ZFAT: variants seen among roughly 807,000 people sequenced by gnomAD.
ZFAT encodes the protein zinc finger protein ZFAT.
Under a neutral mutation model 117.7 loss-of-function variants are expected in ZFAT, and 64 were observed. The observed-to-expected ratio is 0.54, with a 90% confidence interval of 0.44 to 0.67. ZFAT has a LOEUF of 0.67. ZFAT is among the 30% of genes least tolerant of loss of function. The probability of loss-of-function intolerance (pLI) is 0.00; values close to 1 mark genes in which losing one functional copy is unlikely to be tolerated. For missense variants in ZFAT, 1,433 were observed against 1,584.5 expected, an observed-to-expected ratio of 0.90 and a Z score of 1.62; for synonymous variants, 679 against 615.0, an observed-to-expected ratio of 1.10 and a Z score of -1.54.
chr8:134,832,306 G>C, the ZFAT span, among the ~76,000 whole-genome samples: 12 of 152,000 alleles, frequency 7.9e-5, no homozygotes, highest in South Asian at 2.5e-3. Flanking sequence ...GTCTGAGGGA[G>C]AGCGGCTGTG....
chr8:134,566,506 G>T (rs554988728), intron 10 of ZFAT, among the ~76,000 whole-genome samples: 2 of 151,608 alleles, frequency 1.3e-5, no homozygotes, highest in African/African-American at 4.8e-5. Flanking sequence ...CCTCTGATTA[G>T]CATAAATAAA....
At chr8:134,698,081 G>C (rs1833917581) in intron 1 of ZFAT, among the ~76,000 whole-genome samples, 1 of 151,672 alleles carries the variant, frequency 6.6e-6, no homozygotes, top group African/African-American at 2.4e-5. Context: ...CCAGCACTTT[G>C]GGAGGCCGAG....
chr8:134,532,651 A>G (rs1310991942), intron 12 of ZFAT, among the ~76,000 whole-genome samples, 183 bp downstream of exon 12: 2 of 152,368 alleles, frequency 1.3e-5, no homozygotes, highest in East Asian at 3.9e-4. Flanking sequence ...TAACCAGGCA[A>G]GAAGTAATGC....
chr8:134,769,143 A>T, the ZFAT span, among the ~76,000 whole-genome samples: 2 of 152,284 alleles, frequency 1.3e-5, no homozygotes, highest in African/African-American at 4.8e-5. Flanking sequence ...ACTGCACTCC[A>T]GCCTGGGCAA....
intron 15 of ZFAT, among the ~76,000 whole-genome samples, chr8:134,480,794 C>T (rs1175590984): frequency 6.6e-6 from 1 of 152,232 alleles, no homozygotes; most frequent in Non-Finnish European, 1.5e-5. Flanking sequence ...CTACTCCCCA[C>T]CTCTTCTGAC....
At chr8:134,742,558 A>G in the ZFAT span, among the ~76,000 whole-genome samples, 1 of 152,184 alleles carries the variant, frequency 6.6e-6, no homozygotes, top group African/African-American at 2.4e-5. Context: ...TCCTGAGCAC[A>G]GTGGCAAGAC....
rs558075090 is a variant in ZFAT at position 134,642,685 on chromosome 8, C to A, written c.197-4973G>T. Among the ~76,000 whole-genome samples the A allele has an allele frequency of 2.0e-5, 3 of 152,288 alleles. No individual in the cohort carries two copies. The East Asian group carries it at 5.8e-4, about 29-fold the overall frequency. On this transcript the variant is annotated intron_variant, in intron 2 of 15. Transcript: ENST00000377838. ...GAAATCCAATGTAGAATTAAAGGCA[C>A]ACAAATTTTATTATGCCTAAAACCC...
chr8:134,802,253 G>A, the ZFAT span, among the ~76,000 whole-genome samples: 2 of 152,288 alleles, frequency 1.3e-5, no homozygotes, highest in East Asian at 3.9e-4. Flanking sequence ...ATTTTAAAAA[G>A]TAACTAAGCC....
rs746717457 is a variant in ZFAT at position 134,602,684 on chromosome 8, G to A, written c.1035C>T (p.Ile345=). 1.3e-5 allele frequency: 21 copies of A among 1,614,088 alleles called. No homozygotes were observed. The highest frequency in any genetic ancestry group is 4.0e-5 in the African/African-American group (3 of 74,934). ...CLSKGHLKVH[I]ERVHKKIKQH... is the part of the protein sequence containing the mutation. ...GCTTGATCTTCTTGTGCACTCGCTC[G>A]ATGTGCACCTTGAGGTGGCCCTTGC... The change falls in exon 6 of 16, where the codon ATC becomes ATT. Residue 345 remains isoleucine (I), a synonymous_variant. Coordinates refer to ENST00000377838, the MANE Select transcript of ZFAT (RefSeq NM_020863.4).
the ZFAT span, among the ~76,000 whole-genome samples, chr8:134,799,803 C>A: frequency 6.6e-6 from 1 of 152,050 alleles, no homozygotes; most frequent in Non-Finnish European, 1.5e-5. Flanking sequence ...ATCTTTATTG[C>A]AAAAATAAAA....
chr8:134,761,974 C>A, the ZFAT span, among the ~76,000 whole-genome samples: 1 of 98,934 alleles, frequency 1.0e-5, no homozygotes, highest in Non-Finnish European at 1.9e-5. Flanking sequence ...CTCTCTCTTT[C>A]TCTCTGTATG....
intron 9 of ZFAT, among the ~76,000 whole-genome samples, 173 bp from the exon 10 acceptor site, chr8:134,584,178 T>G (rs549755625): frequency 3.3e-5 from 5 of 152,306 alleles, no homozygotes; most frequent in African/African-American, 1.2e-4. Context: ...CCACACACTT[T>G]CCACGCCAGG....
At chr8:134,729,049 G>T in the ZFAT span, among the ~76,000 whole-genome samples, 6 of 152,116 alleles carry the variant, frequency 3.9e-5, no homozygotes, top group Non-Finnish European at 7.4e-5. Flanking sequence ...ATTCTTAGGA[G>T]AATTATACTA....
the ZFAT span, among the ~76,000 whole-genome samples, chr8:134,807,280 A>T: frequency 1.3e-5 from 2 of 152,234 alleles, no homozygotes; most frequent in African/African-American, 4.8e-5. Flanking sequence ...ATACCTAAAC[A>T]CATCTCTTCC....
At chr8:134,774,941 A>C in the ZFAT span, among the ~76,000 whole-genome samples, 1 of 151,998 alleles carries the variant, frequency 6.6e-6, no homozygotes, top group African/African-American at 2.4e-5. Flanking sequence ...AGATGGTGAA[A>C]CCCCATCTCT....
the ZFAT span, among the ~76,000 whole-genome samples, chr8:134,762,580 C>G: frequency 2.0e-5 from 3 of 152,156 alleles, no homozygotes; most frequent in Non-Finnish European, 2.9e-5. Flanking sequence ...CTTTCTTTTT[C>G]TGACTTCTAA....
the ZFAT span, among the ~76,000 whole-genome samples, chr8:134,751,398 C>T: frequency 6.6e-6 from 1 of 152,102 alleles, no homozygotes. Flanking sequence ...ATCAGGACAC[C>T]AGTCGGGATA....
chr8:134,806,523 G>A, the ZFAT span, among the ~76,000 whole-genome samples: 1 of 152,172 alleles, frequency 6.6e-6, no homozygotes, highest in African/African-American at 2.4e-5. Context: ...TGCCTAGGTA[G>A]GCACATGATA....
chr8:134,656,822 C>CTATATGTT (rs975110317), intron 2 of ZFAT, among the ~76,000 whole-genome samples: 45 of 152,290 alleles, frequency 3.0e-4, no homozygotes, highest in African/African-American at 1.1e-3. Context: ...TCCTCATGTG[C>CTATATGTT]TATATGTTTT....
Sources: allele counts gnomAD v4.1 joint callset (sites outside exome capture counted in the v4.1 genomes callset), GRCh38; gene constraint gnomAD v4.1.1; transcripts MANE v1.5; gene names NCBI Gene and HGNC (gene_info 2026-07-23, HGNC 2026-07-21).